GREM1: variants seen among roughly 807,000 people sequenced by gnomAD.
The protein encoded by GREM1 is gremlin 1, DAN family BMP antagonist, also known as gremlin-1.
A neutral mutation model predicts 13.1 loss-of-function variants in GREM1; 6 were observed. The ratio of observed to expected loss-of-function variants is 0.46; its 90% CI spans 0.25 to 0.91. The LOEUF is 0.91. Among genes scored for constraint, GREM1 ranks in the 40% least tolerant of loss-of-function variants. The pLI, the probability that GREM1 is intolerant of heterozygous loss-of-function variation, is 0.18. For synonymous variants in GREM1, 98 were observed against 93.7 expected, an observed-to-expected ratio of 1.05 and a Z score of -0.27; for missense variants, 185 against 233.9, an observed-to-expected ratio of 0.79 and a Z score of 1.36.
In GREM1 at chr15:32,726,686, A is replaced by C. The variant is rs188336181; in HGVS notation, c.-1-4004A>C. 0.014 allele frequency among the ~76,000 whole-genome samples: 2,132 copies of C among 148,420 alleles called. 47 individuals are homozygous for C. Among genetic ancestry groups the C allele is most frequent in the African/African-American group, 0.05 (2,017 of 40,402 alleles). ...GAGATAGAGACACAAAAAACCCTTCAAAAAATCAATGAACCCAGGAGCTGT... is the reference window on the plus strand; with the variant it reads ...GAGATAGAGACACAAAAAACCCTTCCAAAAATCAATGAACCCAGGAGCTGT... On this transcript the variant is annotated intron_variant, in intron 1 of 1. Coordinates refer to ENST00000651154, the MANE Select transcript of GREM1 (RefSeq NM_013372.7).
chr15:32,731,240 G>A lies in GREM1; in HGVS notation c.550G>A (p.Asp184Asn). 6.2e-7 allele frequency: 1 copy of A among 1,611,998 alleles called. No homozygotes were observed. The highest frequency in any genetic ancestry group is 8.5e-7 in the Non-Finnish European group (1 of 1,178,586). The change falls in exon 2 of 2, where the codon GAT (aspartate) becomes AAT (asparagine). Residue 184 changes from aspartate to asparagine, a missense_variant. Coordinates refer to ENST00000651154, the MANE Select transcript of GREM1 (RefSeq NM_013372.7). ...GTGTCGTTGCATATCCATCGATTTG[G>A]ATTAAGCCAAATCCAGGTGCACCCA... The part of the protein sequence containing the change: ...KQCRCISIDL[D>N]
chr15:32,723,506 C>A (rs531862992), intron 1 of GREM1, among the ~76,000 whole-genome samples: 3 of 152,032 alleles, frequency 2.0e-5, no homozygotes, highest in African/African-American at 7.2e-5. Context: ...CAAAGGTTGG[C>A]AACTCAGACA....
rs986716440 is a variant in GREM1, at chr15:32,742,655, T to C, written c.*11410T>C. On this transcript the variant is annotated 3_prime_UTR_variant, in exon 2 of 2. Coordinates refer to ENST00000651154, the MANE Select transcript of GREM1 (RefSeq NM_013372.7). ...CAAAGGTACAGTAATCAAAACAGTA[T>C]GTTACCAGCATAAAGACAAACACAC... 4 of 152,220 alleles carry C rather than the reference T, an allele frequency of 2.6e-5. No individual in the cohort carries two copies. Among genetic ancestry groups the C allele is most frequent in the South Asian group, 2.1e-4 (1 of 4,834 alleles). 9.4% of individuals were successfully genotyped at this position (152,220 alleles called of 1,614,324 possible).
intron 1 of GREM1, among the ~76,000 whole-genome samples, chr15:32,724,952 T>C (rs1158130820): frequency 1.3e-5 from 2 of 152,176 alleles, no homozygotes; most frequent in Non-Finnish European, 2.9e-5. Context: ...TCCACGTCCC[T>C]GCAAAGGACA....
chr15:32,730,614 G>T, intron 1 of GREM1, 76 bp from the exon 2 acceptor site: 1 of 976,032 alleles, frequency 1.0e-6, no homozygotes, highest in South Asian at 1.7e-5. Context: ...TTAAATGCTA[G>T]GTGCTATTAT....
Position 32,736,730 on chromosome 15 carries a change from A to C in GREM1, c.*5485A>C, listed in dbSNP as rs2055702017. 6.6e-6 allele frequency: 1 copy of C among 152,220 alleles called. No homozygotes were observed. Among genetic ancestry groups the C allele is most frequent in the Non-Finnish European group, 1.5e-5 (1 of 68,042 alleles). The allele number at this position is 152,220 out of a possible 1,614,324, so 9.4% of individuals were successfully genotyped here. The stretch of plus-strand genomic sequence containing the variant: ...CAGAATTAGTTCAGAAAAGTCATTA[A>C]ACAAAGAAACAACAACAAACCCTGG... On this transcript the variant is annotated 3_prime_UTR_variant, in exon 2 of 2. Transcript: ENST00000651154.
chr15:32,739,460 C>G lies in GREM1; in HGVS notation c.*8215C>G, dbSNP rs1232658682. 2 of 152,140 alleles carry G rather than the reference C, an allele frequency of 1.3e-5. No homozygotes were observed. Among genetic ancestry groups the G allele is most frequent in the African/African-American group, 4.8e-5 (2 of 41,422 alleles). The allele number at this position is 152,140 out of a possible 1,614,324, so 9.4% of individuals were successfully genotyped here. ...CTGAATTAAGGCAGCAGCCCTAAAC[C>G]TTTTTCTATAATCCTGATAGTGATT... On this transcript the variant is annotated 3_prime_UTR_variant, in exon 2 of 2. Coordinates refer to ENST00000651154, the MANE Select transcript of GREM1 (RefSeq NM_013372.7).
Position 32,737,315 on chromosome 15 carries a change from CA to C in GREM1, c.*6075del, listed in dbSNP as rs1193013661. The C allele has an allele frequency of 6.6e-6, 1 of 152,040 alleles. No individual in the cohort carries two copies. Among genetic ancestry groups the C allele is most frequent in the African/African-American group, 2.4e-5 (1 of 41,384 alleles). The allele number at this position is 152,040 out of a possible 1,614,324, so 9.4% of individuals were successfully genotyped here. ...TGATACCAAATTCTGACAAATACAT[CA>C]AAAATAAAACCATAGACCAATATCT... On this transcript the variant is annotated 3_prime_UTR_variant, in exon 2 of 2. Transcript: ENST00000651154.
At position 32,733,655 on chromosome 15, in the gene GREM1, C is replaced by A; in HGVS notation, c.*2410C>A. The stretch of plus-strand genomic sequence containing the variant: ...AGTACAAATGTGGTGTGTCTTCCAA[C>A]TTTCATTGAAAATGCCATATCTATA... On this transcript the variant is annotated 3_prime_UTR_variant, in exon 2 of 2. Transcript: ENST00000651154. 1 of 226,852 alleles carries A rather than the reference C, an allele frequency of 4.4e-6. No homozygotes were observed. Among genetic ancestry groups the A allele is most frequent in the Non-Finnish European group, 9.6e-6 (1 of 104,694 alleles). The allele number at this position is 226,852 out of a possible 1,614,324, so 14.1% of individuals were successfully genotyped here.
Position 32,720,785 on chromosome 15 carries a change from C to T in GREM1, c.-2+2624C>T, listed in dbSNP as rs559047432. Among the ~76,000 whole-genome samples the T allele has an allele frequency of 5.9e-5, 9 of 152,220 alleles. No homozygotes were observed. The East Asian group carries it at 1.5e-3, about 26-fold the overall frequency. ...GCATTAGAAAACATATCCATTGACCCACTGTTAAGGACAGCACTGGGTGTC... is the reference window on the plus strand; with the variant it reads ...GCATTAGAAAACATATCCATTGACCTACTGTTAAGGACAGCACTGGGTGTC... On this transcript the variant is annotated intron_variant, in intron 1 of 1. Transcript: ENST00000651154.
Position 32,744,650 on chromosome 15 carries a change from TAACTC to T in GREM1, c.*13408_*13412del, listed in dbSNP as rs963782986. On this transcript the variant is annotated 3_prime_UTR_variant, in exon 2 of 2. Coordinates refer to ENST00000651154, the MANE Select transcript of GREM1 (RefSeq NM_013372.7). ...TCTAGTGAATTCATAAATCGTCACTTAACTCAAGCAAAACAATGTTACTCTCTTTG... is the reference window on the plus strand; with the variant it reads ...TCTAGTGAATTCATAAATCGTCACTTAAGCAAAACAATGTTACTCTCTTTG... 1.6e-4 allele frequency: 24 copies of T among 151,992 alleles called. No homozygotes were observed. The highest frequency in any genetic ancestry group is 2.6e-4 in the Admixed American group (4 of 15,268). The allele number at this position is 151,992 out of a possible 1,614,324, so 9.4% of individuals were successfully genotyped here. A position where few individuals can be genotyped will look rare whatever the true frequency, so the allele number is the denominator to read the frequency against.
At chr15:32,728,469 T>G (rs370221531) in intron 1 of GREM1, among the ~76,000 whole-genome samples, 1 of 152,250 alleles carries the variant, frequency 6.6e-6, no homozygotes, top group East Asian at 1.9e-4. Flanking sequence ...AGGTTAATGT[T>G]GGAAAGATGG....
At chr15:32,720,306 T>C (rs1353784821) in intron 1 of GREM1, among the ~76,000 whole-genome samples, 1 of 152,226 alleles carries the variant, frequency 6.6e-6, no homozygotes, top group Non-Finnish European at 1.5e-5. Flanking sequence ...CCTACATCTC[T>C]GAATGAGGGC....
chr15:32,738,125 A>AAAAACAAAC lies in GREM1; in HGVS notation c.*6884_*6885insCAAACAAAA, dbSNP rs2055726547. The AAAAACAAAC allele has an allele frequency of 1.1e-4, 3 of 27,986 alleles. No individual in the cohort carries two copies. The highest frequency in any genetic ancestry group is 1.2e-4 in the Non-Finnish European group (2 of 16,082). The allele number at this position is 27,986 out of a possible 1,614,324, so 1.7% of individuals were successfully genotyped here. A position where few individuals can be genotyped will look rare whatever the true frequency, so the allele number is the denominator to read the frequency against. ...AAAAAAAAAAAAAAAAAAAAAAAAA[A>AAAAACAAAC]AAAAAAAAGAAAAGAAAAAAGTCAT... On this transcript the variant is annotated 3_prime_UTR_variant, in exon 2 of 2. Coordinates refer to ENST00000651154, the MANE Select transcript of GREM1 (RefSeq NM_013372.7).
rs1272720735 is a variant in GREM1, at chr15:32,738,794, T to G, written c.*7549T>G. 5.9e-5 allele frequency: 9 copies of G among 152,022 alleles called. No homozygotes were observed. The East Asian group carries it at 1.7e-3, about 29-fold the overall frequency. 9.4% of individuals were successfully genotyped at this position (152,022 alleles called of 1,614,324 possible). On this transcript the variant is annotated 3_prime_UTR_variant, in exon 2 of 2. Coordinates refer to ENST00000651154, the MANE Select transcript of GREM1 (RefSeq NM_013372.7). The stretch of plus-strand genomic sequence containing the variant: ...CCAGCCTGGACGATATAGTGAGACC[T>G]TGTCTCTACTAAAAATTTAAAAAGG...
intron 1 of GREM1, among the ~76,000 whole-genome samples, chr15:32,721,919 TAAGA>T (rs774358893): frequency 1.3e-4 from 20 of 152,236 alleles, no homozygotes; most frequent in Admixed American, 4.6e-4. Flanking sequence ...TTAACTTTCC[TAAGA>T]AAATCTTTGA....
At position 32,731,213 on chromosome 15, in the gene GREM1, C is replaced by A; in HGVS notation, c.523C>A (p.Gln175Lys). Reference sequence around the variant, plus strand: ...GAAGAAGAGAGTCACACGTGTGAAGCAGTGTCGTTGCATATCCATCGATTT... The same window carrying A: ...GAAGAAGAGAGTCACACGTGTGAAGAAGTGTCGTTGCATATCCATCGATTT... ...TKKKRVTRVK[Q>K]CRCISIDLD Residue 175 changes from glutamine to lysine, a missense_variant, in exon 2 of 2, where the codon CAG becomes AAG. Physicochemically the swap from Gln to Lys is moderately conservative, Grantham distance 53. Transcript: ENST00000651154. 6.2e-7 allele frequency: 1 copy of A among 1,614,048 alleles called. No homozygotes were observed. The highest frequency in any genetic ancestry group is 8.5e-7 in the Non-Finnish European group (1 of 1,179,942).
In GREM1 at chr15:32,722,002, C is replaced by T. The variant is rs150601389; in HGVS notation, c.-2+3841C>T. On this transcript the variant is annotated intron_variant, in intron 1 of 1. Transcript: ENST00000651154. The stretch of plus-strand genomic sequence containing the variant: ...TCCCTGTCCTATGCAATGTTGGGCC[C>T]CAGCCTGATTTAGCCGACCTGGTCT... Among the ~76,000 whole-genome samples, 403 of 152,290 alleles carry T rather than the reference C, an allele frequency of 2.6e-3. 4 individuals are homozygous for T. The highest frequency in any genetic ancestry group is 9.0e-3 in the African/African-American group (375 of 41,554).
At position 32,744,351 on chromosome 15, in the gene GREM1, A is replaced by C. The variant is rs1169215064; in HGVS notation, c.*13106A>C. On this transcript the variant is annotated 3_prime_UTR_variant, in exon 2 of 2. Transcript: ENST00000651154. ...GACTTTGGGAGGCCGAGGCAGGCGG[A>C]TCACGTGGTCAGGAGATCGAGACCA... The C allele has an allele frequency of 2.0e-5, 3 of 152,308 alleles. No homozygotes were observed. The highest frequency in any genetic ancestry group is 4.4e-5 in the Non-Finnish European group (3 of 68,162). The allele number at this position is 152,308 out of a possible 1,614,324, so 9.4% of individuals were successfully genotyped here.
Sources: gnomAD v4.1 joint callset for allele counts (sites outside exome capture counted in the v4.1 genomes callset) on GRCh38, gnomAD v4.1.1 for gene constraint, MANE v1.5 for transcripts, NCBI Gene and HGNC (gene_info 2026-07-23, HGNC 2026-07-21) for gene names.